GPR89B: variants seen among roughly 807,000 people sequenced by gnomAD.
GPR89B encodes the protein G protein-coupled receptor 89B.
GPR89B carries 25 observed loss-of-function variants against 52.4 expected under a neutral mutation model. The observed-to-expected ratio is 0.48, with a 90% CI of 0.35 to 0.67. GPR89B has a LOEUF of 0.67. Among genes scored for constraint, GPR89B ranks in the 30% least tolerant of loss-of-function variants. The pLI is 0.01. For missense variants in GPR89B, 146 were observed against 450.2 expected (o/e 0.32, Z 6.11); for synonymous variants, 52 against 151.2 (o/e 0.34, Z 4.81).
Position 147,955,220 on chromosome 1 carries a change from T to A in GPR89B, c.617+818T>A, listed in dbSNP as rs1656029066. ...GTGCTCTCCAGTTATATTCAAGTTG[T>A]CACAAATGAAAGAATTTCCTTCCTT... On this transcript the variant is annotated intron_variant, in intron 7 of 13. Coordinates refer to ENST00000314163, the MANE Select transcript of GPR89B (RefSeq NM_016334.5). Among the ~76,000 whole-genome samples the A allele has an allele frequency of 7.9e-5, 12 of 152,088 alleles. 1 individual carries two copies. The South Asian group carries it at 2.3e-3, about 29-fold the overall frequency.
At chr1:147,949,829 A>G (rs184175882) in intron 5 of GPR89B, among the ~76,000 whole-genome samples, 4,483 of 108,810 alleles carry the variant, frequency 0.041, 157 homozygotes, top group African/African-American at 0.07. Context: ...CGGACGGGGC[A>G]GCTTGCCGGG....
At chr1:148,025,546 A>T in the GPR89B span, among the ~76,000 whole-genome samples, 1 of 145,182 alleles carries the variant, frequency 6.9e-6, no homozygotes, top group Non-Finnish European at 1.5e-5. Flanking sequence ...AAAAAAAAAA[A>T]AAAAAGAATC....
intron 1 of GPR89B, among the ~76,000 whole-genome samples, chr1:147,932,128 A>G (rs1553247138): frequency 6.8e-6 from 1 of 147,552 alleles, no homozygotes; most frequent in Admixed American, 6.8e-5. Flanking sequence ...CATCAGTCCT[A>G]AACTGCCCAA....
chr1:148,006,481 C>A, the GPR89B span, among the ~76,000 whole-genome samples: 1 of 151,908 alleles, frequency 6.6e-6, no homozygotes, highest in Non-Finnish European at 1.5e-5. Context: ...GCAGTTCCCC[C>A]TTAACCATGG....
chr1:147,999,552 T>G, the GPR89B span, among the ~76,000 whole-genome samples: 1 of 143,258 alleles, frequency 7.0e-6, no homozygotes, highest in African/African-American at 2.7e-5. Flanking sequence ...TGAGCTGAGA[T>G]GGCACCACTG....
At chr1:147,938,516 T>C (rs1291604956) in intron 2 of GPR89B, among the ~76,000 whole-genome samples, 198 bp from the exon 3 acceptor site, 2 of 147,726 alleles carry the variant, frequency 1.4e-5, no homozygotes, top group Non-Finnish European at 3.0e-5. Flanking sequence ...AGGATGCTGG[T>C]AATAGTGACT....
intron 12 of GPR89B, among the ~76,000 whole-genome samples, chr1:147,991,699 G>C (rs1191324050): frequency 6.6e-6 from 1 of 152,186 alleles, no homozygotes; most frequent in African/African-American, 2.4e-5. Context: ...CATCTATTGA[G>C]ATAACCATGT....
chr1:148,013,239 G>T, the GPR89B span, among the ~76,000 whole-genome samples: 2 of 152,098 alleles, frequency 1.3e-5, no homozygotes, highest in Non-Finnish European at 2.9e-5. Flanking sequence ...AGAGGAAGAG[G>T]AGTCCGCCAG....
chr1:148,024,738 A>G, the GPR89B span: 1 of 149,294 alleles, frequency 6.7e-6, no homozygotes, highest in Admixed American at 6.7e-5. Flanking sequence ...ACTGGTGCCC[A>G]GGGGGAGAAG....
chr1:147,979,457 A>G (rs1455120257), intron 10 of GPR89B, among the ~76,000 whole-genome samples: 19 of 152,046 alleles, frequency 1.2e-4, no homozygotes, highest in Non-Finnish European at 2.5e-4. Context: ...TAGTCATCCT[A>G]TTGTTATTCC....
chr1:148,008,607 C>T, the GPR89B span, among the ~76,000 whole-genome samples: 113 of 152,344 alleles, frequency 7.4e-4, 1 homozygote, highest in Non-Finnish European at 1.9e-4. Flanking sequence ...GCTAACACAG[C>T]TCCTCTGGTT....
chr1:147,941,277 C>G (rs1283973903), intron 3 of GPR89B, among the ~76,000 whole-genome samples: 1 of 152,216 alleles, frequency 6.6e-6, no homozygotes, highest in African/African-American at 2.4e-5. Flanking sequence ...AATAGGCAGT[C>G]CATACTGCCA....
At position 147,986,340 on chromosome 1, in the gene GPR89B, C is replaced by G. The variant is rs1462001888; in HGVS notation, c.1005+46C>G. The G allele has an allele frequency of 1.5e-3, 2,402 of 1,607,544 alleles. 8 individuals carry two copies. Among genetic ancestry groups the G allele is most frequent in the Non-Finnish European group, 1.8e-3 (2,094 of 1,176,574 alleles). On this transcript the variant is annotated intron_variant, in intron 11 of 13. Transcript: ENST00000314163. ...CTGGTTTGTCATGTTTCTGTTTTAT[C>G]TGCTATAACTTATCATTGTTAAGAT...
the GPR89B span, among the ~76,000 whole-genome samples, chr1:148,022,490 A>G: frequency 6.6e-6 from 1 of 151,112 alleles, no homozygotes; most frequent in Non-Finnish European, 1.5e-5. Context: ...CTCCTTGTAG[A>G]GTTTTGGTCA....
chr1:147,934,694 C>G (rs1276024766), intron 1 of GPR89B, among the ~76,000 whole-genome samples: 1 of 152,088 alleles, frequency 6.6e-6, no homozygotes, highest in African/African-American at 2.4e-5. Context: ...TGGTCTCCCT[C>G]TTTCATATTG....
chr1:147,962,885 G>A (rs1656708745), intron 7 of GPR89B, among the ~76,000 whole-genome samples: 3 of 146,676 alleles, frequency 2.0e-5, no homozygotes, highest in Non-Finnish European at 3.0e-5. Context: ...AACAGAGCGA[G>A]ACTCCGTCTC....
At chr1:148,002,497 G>T in the GPR89B span, among the ~76,000 whole-genome samples, 2 of 152,238 alleles carry the variant, frequency 1.3e-5, no homozygotes, top group East Asian at 3.9e-4. Context: ...AACAGAATGA[G>T]CATGGGCTTT....
rs1415215794 is a variant in GPR89B at position 147,957,968 on chromosome 1, G to T, written c.617+3566G>T. 2.0e-3 allele frequency among the ~76,000 whole-genome samples: 307 copies of T among 151,394 alleles called. 6 individuals carry two copies. The highest frequency in any genetic ancestry group is 3.8e-4 in the Non-Finnish European group (26 of 67,902). ...AGTCCCAGCTACTCGGGAGACTGAG[G>T]CAGGAGAACGGTGTGAACCCAGGAG... On this transcript the variant is annotated intron_variant, in intron 7 of 13. Transcript: ENST00000314163.
At chr1:147,946,539 CACAG>C (rs1373193278) in intron 5 of GPR89B, among the ~76,000 whole-genome samples, 1 of 152,020 alleles carries the variant, frequency 6.6e-6, no homozygotes, top group Non-Finnish European at 1.5e-5. Context: ...CAAAGAAACC[CACAG>C]ACAGACACAT....
Sources: allele counts gnomAD v4.1 joint callset (sites outside exome capture counted in the v4.1 genomes callset), GRCh38; gene constraint gnomAD v4.1.1; transcripts MANE v1.5; gene names NCBI Gene and HGNC (gene_info 2026-07-23, HGNC 2026-07-21).